NFIB: variants seen among roughly 807,000 people sequenced by gnomAD.
NFIB encodes the protein nuclear factor I B.
Under a neutral mutation model 61.5 loss-of-function variants are expected in NFIB, and 11 were observed. That is an observed-to-expected ratio of 0.18 (90% CI 0.11 to 0.30). The LOEUF (loss-of-function observed/expected upper bound fraction) is 0.30. NFIB is among the 10% of genes least tolerant of loss of function. The pLI, the probability that NFIB is intolerant of heterozygous loss-of-function variation, is 1.00. For missense variants in NFIB, 471 were observed against 608.9 expected, an observed-to-expected ratio of 0.77 and a Z score of 2.38; for synonymous variants, 260 against 216.5, an observed-to-expected ratio of 1.20 and a Z score of -1.76.
At chr9:14,259,119 T>C (rs555266782) in intron 2 of NFIB, among the ~76,000 whole-genome samples, 1 of 152,360 alleles carries the variant, frequency 6.6e-6, no homozygotes, top group South Asian at 2.1e-4. Context: ...GAGTGAACCC[T>C]GCCAACTATT....
intron 2 of NFIB, chr9:14,300,111 A>T (rs1023199282): frequency 7.5e-6 from 3 of 398,108 alleles, no homozygotes; most frequent in African/African-American, 6.2e-5. Context: ...TAACAACTAA[A>T]TTCAGTTAAA....
the NFIB span, among the ~76,000 whole-genome samples, chr9:14,514,574 T>C: frequency 3.3e-5 from 5 of 152,252 alleles, no homozygotes; most frequent in East Asian, 1.9e-4. Context: ...GCATTTATCA[T>C]GAAAAACCTA....
the NFIB span, among the ~76,000 whole-genome samples, chr9:14,438,072 G>A: frequency 6.6e-6 from 1 of 150,978 alleles, no homozygotes; most frequent in Non-Finnish European, 1.5e-5. Flanking sequence ...GTGTGTGTGA[G>A]ATGGAGAGAG....
intron 1 of NFIB, among the ~76,000 whole-genome samples, chr9:14,337,423 A>T (rs73641907): frequency 7.2e-5 from 11 of 152,354 alleles, no homozygotes; most frequent in African/African-American, 2.6e-4. Flanking sequence ...CAAGGAAATG[A>T]TGGTGAGAAA....
chr9:14,238,179 C>T (rs537413634), intron 2 of NFIB, among the ~76,000 whole-genome samples: 17 of 151,812 alleles, frequency 1.1e-4, no homozygotes, highest in Non-Finnish European at 2.1e-4. Context: ...GAGAAAAAAA[C>T]GGTTCCCAGC....
chr9:14,345,828 C>G, intron 1 of NFIB, among the ~76,000 whole-genome samples: 1 of 152,174 alleles, frequency 6.6e-6, no homozygotes, highest in Non-Finnish European at 1.5e-5. Flanking sequence ...CCCCTCACAC[C>G]CCTCCCTCTT....
At chr9:14,189,549 T>C (rs1379148330) in intron 2 of NFIB, among the ~76,000 whole-genome samples, 4 of 151,580 alleles carry the variant, frequency 2.6e-5, no homozygotes, top group South Asian at 4.2e-4. Flanking sequence ...CTATGAGATA[T>C]ATATATTTAA....
At chr9:14,262,044 A>T (rs1046425145) in intron 2 of NFIB, among the ~76,000 whole-genome samples, 1 of 152,080 alleles carries the variant, frequency 6.6e-6, no homozygotes, top group Admixed American at 6.6e-5. Context: ...ATTTTGGTGT[A>T]TCGGTTTCTG....
chr9:14,508,302 G>A, the NFIB span, among the ~76,000 whole-genome samples: 5 of 152,236 alleles, frequency 3.3e-5, no homozygotes, highest in South Asian at 6.2e-4. Flanking sequence ...GCAGTTGAGT[G>A]TAGTGGACAC....
intron 2 of NFIB, among the ~76,000 whole-genome samples, chr9:14,247,625 A>C (rs2132097784): frequency 6.6e-6 from 1 of 152,312 alleles, no homozygotes; most frequent in East Asian, 1.9e-4. Context: ...TAGCTGAAAA[A>C]CCATGAAAAA....
the NFIB span, among the ~76,000 whole-genome samples, chr9:14,504,573 T>C: frequency 6.6e-6 from 1 of 152,296 alleles, no homozygotes; most frequent in South Asian, 2.1e-4. Context: ...CCTAAGTATT[T>C]TATTTATTTT....
intron 3 of NFIB, among the ~76,000 whole-genome samples, chr9:14,177,198 T>G (rs1019169672): frequency 6.6e-6 from 1 of 152,162 alleles, no homozygotes; most frequent in African/African-American, 2.4e-5. Flanking sequence ...TTTTGGAGAT[T>G]TCATATTTTG....
At chr9:14,405,224 C>A in the NFIB span, among the ~76,000 whole-genome samples, 17 of 152,306 alleles carry the variant, frequency 1.1e-4, no homozygotes, top group African/African-American at 3.1e-4. Flanking sequence ...CCTTCATCAG[C>A]CTGAGTCCCT....
At chr9:14,353,351 G>A (rs1164640796) in intron 1 of NFIB, among the ~76,000 whole-genome samples, 1 of 152,132 alleles carries the variant, frequency 6.6e-6, no homozygotes, top group Non-Finnish European at 1.5e-5. Flanking sequence ...CATTCAGGAA[G>A]AATAGCCAAA....
At chr9:14,491,186 A>G in the NFIB span, among the ~76,000 whole-genome samples, 1 of 152,188 alleles carries the variant, frequency 6.6e-6, no homozygotes, top group Non-Finnish European at 1.5e-5. Flanking sequence ...TCTGTGGTGA[A>G]GATTAAATGA....
At chr9:14,329,584 G>A (rs1038922117) in intron 1 of NFIB, among the ~76,000 whole-genome samples, 11 of 151,614 alleles carry the variant, frequency 7.3e-5, no homozygotes, top group African/African-American at 2.7e-4. Context: ...GCGCAACCTC[G>A]GCTCACTGCA....
the NFIB span, among the ~76,000 whole-genome samples, chr9:14,430,208 A>G: frequency 1.2e-4 from 18 of 152,206 alleles, 1 homozygote; most frequent in East Asian, 3.5e-3. Context: ...TAATTCAGGT[A>G]CTCAATTACA....
At chr9:14,479,381 T>C in the NFIB span, among the ~76,000 whole-genome samples, 1 of 152,202 alleles carries the variant, frequency 6.6e-6, no homozygotes, top group Non-Finnish European at 1.5e-5. Flanking sequence ...GAGAAACAGC[T>C]GTGGGTTTCA....
the NFIB span, among the ~76,000 whole-genome samples, chr9:14,419,297 A>AAAAT: frequency 1.3e-5 from 2 of 151,700 alleles, no homozygotes; most frequent in Admixed American, 6.6e-5. Flanking sequence ...TAAAAAAAAA[A>AAAAT]AAAAAAGCAA....
Sources: gnomAD v4.1 joint callset for allele counts (sites outside exome capture counted in the v4.1 genomes callset) on GRCh38, gnomAD v4.1.1 for gene constraint, MANE v1.5 for transcripts, NCBI Gene and HGNC (gene_info 2026-07-23, HGNC 2026-07-21) for gene names.